CASZ1: variants seen among roughly 807,000 people sequenced by gnomAD.
CASZ1 encodes zinc finger protein castor homolog 1.
Under a neutral mutation model 135.2 loss-of-function variants are expected in CASZ1, and 28 were observed. The observed-to-expected ratio is 0.21, with a 90% CI of 0.15 to 0.28. The LOEUF (loss-of-function observed/expected upper bound fraction) is 0.28. Ranked by LOEUF, CASZ1 falls within the 10% of genes least tolerant of loss-of-function variation. The pLI, the probability that CASZ1 is intolerant of heterozygous loss-of-function variation, is 1.00. For missense variants in CASZ1, 2,161 were observed against 2,453.3 expected (o/e 0.88, Z 2.52); for synonymous variants, 1,068 against 1,073.4 (o/e 0.99, Z 0.10).
Position 10,707,660 on chromosome 1 carries a change from G to A in CASZ1, c.-76-2116C>T, listed in dbSNP as rs1256400524. ...GAGCAGGGAAGCTGTCCCTGGGTGG[G>A]ATCTGGGACCCTGGGATACTGGGAC... On this transcript the variant is annotated intron_variant, in intron 2 of 20. Transcript: ENST00000377022. The surrounding 1 kb of genome is among the most constrained non-coding windows in gnomAD (Gnocchi z 5.0). Among the ~76,000 whole-genome samples, 1 of 152,132 alleles carries A rather than the reference G, an allele frequency of 6.6e-6. No individual in the cohort carries two copies. The highest frequency in any genetic ancestry group is 2.4e-5 in the African/African-American group (1 of 41,408).
chr1:10,764,843 C>A (rs557569892), intron 1 of CASZ1, among the ~76,000 whole-genome samples: 1 of 152,264 alleles, frequency 6.6e-6, no homozygotes. Context: ...GAAAGCGAGG[C>A]CCATGGTAAT....
In CASZ1 at chr1:10,762,628, G is replaced by A. The variant is rs1307527340; in HGVS notation, c.-233-1771C>T. Among the ~76,000 whole-genome samples, 3 of 152,108 alleles carry A rather than the reference G, an allele frequency of 2.0e-5. No homozygotes were observed. The highest frequency in any genetic ancestry group is 1.3e-4 in the Admixed American group (2 of 15,276). Reference sequence around the variant, plus strand: ...TACTCCAAGAATCTCCATCTGCTGGGGGTCTCCACTCCAATATCCCATCAG... The same window carrying A: ...TACTCCAAGAATCTCCATCTGCTGGAGGTCTCCACTCCAATATCCCATCAG... On this transcript the variant is annotated intron_variant, in intron 1 of 20. Transcript: ENST00000377022. The surrounding 1 kb of genome is among the most constrained non-coding windows in gnomAD (Gnocchi z 4.1).
intron 1 of CASZ1, among the ~76,000 whole-genome samples, chr1:10,764,991 A>C (rs917081044): frequency 6.6e-6 from 1 of 152,166 alleles, no homozygotes; most frequent in Non-Finnish European, 1.5e-5. Context: ...TCCTGTTGGG[A>C]CAGGACAACT....
At position 10,701,799 on chromosome 1, in the gene CASZ1, G is replaced by C. The variant is rs557425783; in HGVS notation, c.-24+3693C>G. Reference sequence around the variant, plus strand: ...GAGCCCCTAGGACCAGGCAGCTGACGGGGGGCTGGCTTTCCTGCCTCCTGC... The same window carrying C: ...GAGCCCCTAGGACCAGGCAGCTGACCGGGGGCTGGCTTTCCTGCCTCCTGC... On this transcript the variant is annotated intron_variant, in intron 3 of 20. Transcript: ENST00000377022. The surrounding 1 kb of genome is among the most constrained non-coding windows in gnomAD (Gnocchi z 6.3). 6.6e-6 allele frequency among the ~76,000 whole-genome samples: 1 copy of C among 152,104 alleles called. No individual in the cohort carries two copies. Among genetic ancestry groups the C allele is most frequent in the Non-Finnish European group, 1.5e-5 (1 of 67,994 alleles).
At chr1:10,663,827 C>T (rs1236826243) in intron 5 of CASZ1, among the ~76,000 whole-genome samples, 1 of 152,236 alleles carries the variant, frequency 6.6e-6, no homozygotes, top group African/African-American at 2.4e-5. Context: ...TTGGCAGTTC[C>T]AGGCCCGCCT....
chr1:10,779,289 T>A (rs1244114956), intron 1 of CASZ1, among the ~76,000 whole-genome samples: 2 of 150,076 alleles, frequency 1.3e-5, no homozygotes, highest in South Asian at 4.2e-4. Context: ...ATTTTTTTTT[T>A]TTTTTTTTTT....
intron 4 of CASZ1, among the ~76,000 whole-genome samples, chr1:10,682,426 C>T (rs962110154): frequency 6.6e-6 from 1 of 152,048 alleles, no homozygotes; most frequent in African/African-American, 2.4e-5. Flanking sequence ...GGGGGCCCGG[C>T]GGAATCCGGG....
rs1387430595 is a variant in CASZ1 at position 10,741,898 on chromosome 1, C to T, written c.-77+18803G>A. 6.6e-6 allele frequency among the ~76,000 whole-genome samples: 1 copy of T among 152,020 alleles called. No homozygotes were observed. The highest frequency in any genetic ancestry group is 1.5e-5 in the Non-Finnish European group (1 of 68,016). On this transcript the variant is annotated intron_variant, in intron 2 of 20. Transcript: ENST00000377022. This position sits in a 1 kb window ranked among gnomAD's most constrained non-coding sequence, Gnocchi z 5.0. Reference sequence around the variant, plus strand: ...TATCTGTGTGTTTTTTCCCCCAAAGCCAGGAGAGATCTAGAACATTTTGGT... The same window carrying T: ...TATCTGTGTGTTTTTTCCCCCAAAGTCAGGAGAGATCTAGAACATTTTGGT...
intron 5 of CASZ1, chr1:10,661,162 C>T (rs771779921): frequency 6.5e-6 from 1 of 154,966 alleles, no homozygotes; most frequent in African/African-American, 2.4e-5. Context: ...ACAGCTCAGC[C>T]AGGGGCGCAG....
rs1318190354 is a variant in CASZ1, at chr1:10,657,004, T to G, written c.1410-268A>C. ...GACAGATGGGGCCCGAGCCCTGGGA[T>G]GGAAGGGAAGGCAGGCGCCCCCTCG... On this transcript the variant is annotated intron_variant, in intron 7 of 20. Transcript: ENST00000377022. This position sits in a 1 kb window ranked among gnomAD's most constrained non-coding sequence, Gnocchi z 5.7. Among the ~76,000 whole-genome samples the G allele has an allele frequency of 2.0e-5, 3 of 152,062 alleles. No homozygotes were observed. The highest frequency in any genetic ancestry group is 2.9e-5 in the Non-Finnish European group (2 of 67,992).
Position 10,717,569 on chromosome 1 carries a change from C to T in CASZ1, c.-76-12025G>A, listed in dbSNP as rs1639417156. Among the ~76,000 whole-genome samples the T allele has an allele frequency of 6.6e-6, 1 of 152,130 alleles. No individual in the cohort carries two copies. Among genetic ancestry groups the T allele is most frequent in the South Asian group, 2.1e-4 (1 of 4,828 alleles). On this transcript the variant is annotated intron_variant, in intron 2 of 20. Transcript: ENST00000377022. This position sits in a 1 kb window ranked among gnomAD's most constrained non-coding sequence, Gnocchi z 4.6. ...TCCCTCCCTCCTCACCAGCCCCTGCCCCCTCCAACCAGTTCAGATTTCCAG... is the reference window on the plus strand; with the variant it reads ...TCCCTCCCTCCTCACCAGCCCCTGCTCCCTCCAACCAGTTCAGATTTCCAG...
intron 7 of CASZ1, 150 bp downstream of exon 7, chr1:10,658,358 G>A (rs975001335): frequency 1.8e-5 from 12 of 650,100 alleles, no homozygotes; most frequent in East Asian, 2.7e-5. Flanking sequence ...GGCAGCCCTC[G>A]GTGCGGTGGA....
At position 10,720,685 on chromosome 1, in the gene CASZ1, T is replaced by C. The variant is rs1248990760; in HGVS notation, c.-76-15141A>G. Among the ~76,000 whole-genome samples the C allele has an allele frequency of 3.3e-5, 5 of 152,192 alleles. No homozygotes were observed. The highest frequency in any genetic ancestry group is 5.9e-5 in the Non-Finnish European group (4 of 68,024). On this transcript the variant is annotated intron_variant, in intron 2 of 20. Coordinates refer to ENST00000377022, the MANE Select transcript of CASZ1 (RefSeq NM_001079843.3). The surrounding 1 kb of genome is among the most constrained non-coding windows in gnomAD (Gnocchi z 5.7). Reference sequence around the variant, plus strand: ...TAATGACTCCAGGCTTCGCTTCTGCTGCCCCCAGAAAACTTTCCATCTGGG... The same window carrying C: ...TAATGACTCCAGGCTTCGCTTCTGCCGCCCCCAGAAAACTTTCCATCTGGG...
Position 10,725,879 on chromosome 1 carries a change from C to T in CASZ1, c.-76-20335G>A, listed in dbSNP as rs1201766786. Reference sequence around the variant, plus strand: ...GTCATTGAGGGGGCCAGAGGGCCTGCCGAATGTTCTAGAAGGATGGGCCGG... The same window carrying T: ...GTCATTGAGGGGGCCAGAGGGCCTGTCGAATGTTCTAGAAGGATGGGCCGG... On this transcript the variant is annotated intron_variant, in intron 2 of 20. Transcript: ENST00000377022. This position sits in a 1 kb window ranked among gnomAD's most constrained non-coding sequence, Gnocchi z 4.4. Among the ~76,000 whole-genome samples, 1 of 152,072 alleles carries T rather than the reference C, an allele frequency of 6.6e-6. No homozygotes were observed. The highest frequency in any genetic ancestry group is 1.5e-5 in the Non-Finnish European group (1 of 68,006).
intron 20 of CASZ1, among the ~76,000 whole-genome samples, chr1:10,641,751 G>T (rs1642208252): frequency 6.6e-6 from 1 of 152,254 alleles, no homozygotes; most frequent in Admixed American, 6.5e-5. Flanking sequence ...GCCTCCGGCA[G>T]GATCAGCCAT....
chr1:10,660,328 C>T lies in CASZ1; in HGVS notation c.714G>A (p.Lys238=), dbSNP rs763668417. 1.2e-6 allele frequency: 2 copies of T among 1,614,164 alleles called. No individual in the cohort carries two copies. Among genetic ancestry groups the T allele is most frequent in the Non-Finnish European group, 1.7e-6 (2 of 1,180,024 alleles). ...TGAGCTTGCGGATGTACTCCTCATA[C>T]TTAGAGAACCGCGCCCGCTTGCTGA... ...DTLSKRARFS[K]YEEYIRKLKA... is the part of the protein sequence containing the mutation. The change falls in exon 6 of 21, where the codon AAG becomes AAA. Residue 238 remains lysine, a synonymous_variant. Transcript: ENST00000377022.
intron 2 of CASZ1, among the ~76,000 whole-genome samples, chr1:10,745,357 T>C (rs4845955): frequency 0.32 from 49,020 of 151,936 alleles, 8,027 homozygotes; most frequent in Middle Eastern, 0.38. Flanking sequence ...GAATCCAGTG[T>C]GTTCCCCAAC....
chr1:10,716,327 G>A (rs1341332708), intron 2 of CASZ1, among the ~76,000 whole-genome samples: 2 of 152,134 alleles, frequency 1.3e-5, no homozygotes, highest in Non-Finnish European at 2.9e-5. Context: ...CATGGCTCTC[G>A]GGTAGACCCG....
intron 2 of CASZ1, among the ~76,000 whole-genome samples, chr1:10,714,248 C>T (rs1236985602): frequency 2.0e-5 from 3 of 152,070 alleles, no homozygotes; most frequent in Non-Finnish European, 4.4e-5. Flanking sequence ...GTGGAGGTTG[C>T]AGTGAGCCGA....
Sources: allele counts gnomAD v4.1 joint callset (sites outside exome capture counted in the v4.1 genomes callset), GRCh38; gene constraint gnomAD v4.1.1; non-coding constraint Gnocchi (gnomAD v3.1); transcripts MANE v1.5; gene names NCBI Gene and HGNC (gene_info 2026-07-23, HGNC 2026-07-21).